CDK15: variants seen among roughly 807,000 people sequenced by gnomAD.
CDK15 encodes the protein cyclin-dependent kinase 15.
A neutral mutation model predicts 60.3 loss-of-function variants in CDK15; 62 were observed. The ratio of observed to expected loss-of-function variants is 1.03; its 90% CI spans 0.84 to 1.27. CDK15 has a LOEUF of 1.27. Among genes scored for constraint, CDK15 ranks in the 50% most tolerant of loss-of-function variants. The probability of loss-of-function intolerance (pLI) is 0.00; values close to 1 mark genes in which losing one functional copy is unlikely to be tolerated. For missense variants in CDK15, 541 were observed against 527.8 expected (o/e 1.03, Z -0.25); for synonymous variants, 194 against 195.7 (o/e 0.99, Z 0.07).
At chr2:201,883,517 G>A (rs1699352738) in intron 12 of CDK15, among the ~76,000 whole-genome samples, 1 of 152,234 alleles carries the variant, frequency 6.6e-6, no homozygotes, top group Non-Finnish European at 1.5e-5. Flanking sequence ...TGAAAACCAG[G>A]AATTCCAGGA....
intron 12 of CDK15, among the ~76,000 whole-genome samples, chr2:201,890,478 C>T (rs140638882): frequency 7.9e-5 from 12 of 152,334 alleles, no homozygotes; most frequent in Non-Finnish European, 1.8e-4. Flanking sequence ...TTGTGCCTCA[C>T]TTTTGGTCCT....
At chr2:201,815,077 G>C (rs1695932612) in intron 4 of CDK15, among the ~76,000 whole-genome samples, 1 of 151,830 alleles carries the variant, frequency 6.6e-6, no homozygotes, top group Non-Finnish European at 1.5e-5. Context: ...TCAGCCTCCG[G>C]AGTAGCTGGG....
rs117150209 is a variant in CDK15 at position 201,881,652 on chromosome 2, G to A, written c.1198+1485G>A. Among the ~76,000 whole-genome samples the A allele has an allele frequency of 2.2e-4, 34 of 152,254 alleles. No homozygotes were observed. In the East Asian group the frequency reaches 6.6e-3, roughly 29 times the overall value. The stretch of plus-strand genomic sequence containing the variant: ...ATTAGACTGGAGGTGAATCTAAAGT[G>A]GAATTTGGAAGGAGGAGAGAGGCAT... On this transcript the variant is annotated intron_variant, in intron 12 of 13. Coordinates refer to ENST00000652192, the MANE Select transcript of CDK15 (RefSeq NM_001366386.2).
At position 201,847,411 on chromosome 2, in the gene CDK15, C is replaced by A; in HGVS notation, c.882C>A (p.Phe294Leu). 2 of 1,613,992 alleles carry A rather than the reference C, an allele frequency of 1.2e-6. No homozygotes were observed. The highest frequency in any genetic ancestry group is 2.2e-5 in the South Asian group (2 of 91,056). The change falls in exon 9 of 14, where the codon TTC (phenylalanine) becomes TTA (leucine). Residue 294 changes from phenylalanine (F) to leucine (L), a missense_variant. Physicochemically the swap from Phe to Leu is conservative, Grantham distance 22 (BLOSUM62 0). Coordinates refer to ENST00000652192, the MANE Select transcript of CDK15 (RefSeq NM_001366386.2). ...CAGGCTGCATCTTTATTGAAATGTT[C>A]CAGGGTCAACCTTTGTTTCCTGGGG... ...WGAGCIFIEM[F>L]QGQPLFPGVS...
At chr2:201,879,898 C>A in intron 11 of CDK15, 130 bp from the exon 12 acceptor site, 2 of 1,243,188 alleles carry the variant, frequency 1.6e-6, no homozygotes, top group African/African-American at 1.5e-5. Context: ...TCAACTTTAG[C>A]AATTCCAGGA....
chr2:201,861,214 A>C, intron 10 of CDK15: 2 of 1,016,328 alleles, frequency 2.0e-6, no homozygotes, highest in Non-Finnish European at 2.4e-6. Flanking sequence ...GAGAAATCCT[A>C]TCATTGTAAA....
At chr2:201,857,747 A>G (rs906986001) in intron 10 of CDK15, among the ~76,000 whole-genome samples, 1 of 152,146 alleles carries the variant, frequency 6.6e-6, no homozygotes, top group African/African-American at 2.4e-5. Context: ...TGATAACTCA[A>G]TCCCAAGGAC....
intron 8 of CDK15, among the ~76,000 whole-genome samples, chr2:201,836,094 A>ATATATATTTATATATT (rs1179645943): frequency 8.3e-6 from 1 of 121,052 alleles, no homozygotes; most frequent in African/African-American, 3.3e-5. Context: ...TTATATATTT[A>ATATATATTTATATATT]TATATATTTA....
chr2:201,822,749 T>C, intron 4 of CDK15, 60 bp from the exon 5 acceptor site: 1 of 921,934 alleles, frequency 1.1e-6, no homozygotes, highest in South Asian at 1.5e-5. Flanking sequence ...CCGTCTGATA[T>C]CTTTAGAGCA....
chr2:201,881,451 T>A (rs1404108197), intron 12 of CDK15, among the ~76,000 whole-genome samples: 1 of 152,100 alleles, frequency 6.6e-6, no homozygotes, highest in Non-Finnish European at 1.5e-5. Context: ...CTCCAGGTTC[T>A]TATGAAGTGG....
chr2:201,886,482 C>T (rs1424589382), intron 12 of CDK15, among the ~76,000 whole-genome samples: 12 of 152,082 alleles, frequency 7.9e-5, no homozygotes, highest in Non-Finnish European at 1.2e-4. Context: ...TGTGCCACCA[C>T]GCCTGGCTAA....
At position 201,880,090 on chromosome 2, in the gene CDK15, A is replaced by G. The variant is rs779004408; in HGVS notation, c.1121A>G (p.Asp374Gly). 13 of 1,613,914 alleles carry G rather than the reference A, an allele frequency of 8.1e-6. No homozygotes were observed. The highest frequency in any genetic ancestry group is 1.3e-5 in the African/African-American group (1 of 74,872). The change falls in exon 12 of 14, where the codon GAC (aspartate) becomes GGC (glycine). Residue 374 changes from aspartate to glycine, a missense_variant. Asp to Gly is a moderately conservative substitution (Grantham distance 94). Transcript: ENST00000652192. ...ASQMLKGFPRDRVSAQEALVH... is the reference protein window; with the variant it reads ...ASQMLKGFPRGRVSAQEALVH... Reference sequence around the variant, plus strand: ...CAGATGCTAAAAGGCTTTCCCAGAGACCGCGTCTCCGCCCAGGAAGCACTT... The same window carrying G: ...CAGATGCTAAAAGGCTTTCCCAGAGGCCGCGTCTCCGCCCAGGAAGCACTT...
At chr2:201,861,083 A>G (rs1698373964) in intron 10 of CDK15, 1 of 1,072,556 alleles carries the variant, frequency 9.3e-7, no homozygotes, top group Non-Finnish European at 1.1e-6. Flanking sequence ...AGATATTGAT[A>G]AAAGAGGCTT....
At chr2:201,844,789 C>T (rs1192458399) in intron 8 of CDK15, among the ~76,000 whole-genome samples, 1 of 151,620 alleles carries the variant, frequency 6.6e-6, no homozygotes, top group Non-Finnish European at 1.5e-5. Context: ...GATCCCATCT[C>T]TATTAAAAAA....
intron 10 of CDK15, among the ~76,000 whole-genome samples, chr2:201,866,091 A>G (rs1698624301): frequency 6.6e-6 from 1 of 151,256 alleles, no homozygotes; most frequent in Admixed American, 6.6e-5. Context: ...AGAGTTACAG[A>G]TTTTGGCAGT....
At chr2:201,837,391 GAGAGGGGGGAGAGGTGGGGA>G (rs1697152084) in intron 8 of CDK15, among the ~76,000 whole-genome samples, 6 of 115,788 alleles carry the variant, frequency 5.2e-5, no homozygotes, top group Non-Finnish European at 7.3e-5. Flanking sequence ...GGGAGAAGGG[GAGAGGGGGGAGAGGTGGGGA>G]GGGAGGGAGG....
chr2:201,846,990 A>AT (rs1230058582), intron 8 of CDK15, among the ~76,000 whole-genome samples: 2 of 152,142 alleles, frequency 1.3e-5, no homozygotes, highest in Non-Finnish European at 2.9e-5. Context: ...TTTAACTTGC[A>AT]TTTTTTTGTC....
rs1698082041 is a variant in CDK15 at position 201,854,930 on chromosome 2, C to T, written c.1002C>T (p.Tyr334=). 6.2e-7 allele frequency: 1 copy of T among 1,613,718 alleles called. No individual in the cohort carries two copies. The highest frequency in any genetic ancestry group is 2.2e-5 in the East Asian group (1 of 44,896). The change falls in exon 10 of 14, where the codon TAC becomes TAT. Residue 334 remains tyrosine (Y), a synonymous_variant. Transcript: ENST00000652192. ...CGGGAGTCTCCAAGCTACCTAACTA[C>T]AATCCAGGTAATATTGATCTGAGCT... is the stretch of plus-strand genomic sequence containing the variant. ...TWPGVSKLPN[Y]NPEWFPLPTP... is the part of the protein sequence containing the mutation.
intron 11 of CDK15, among the ~76,000 whole-genome samples, chr2:201,877,766 T>G (rs1279021772): frequency 6.6e-6 from 1 of 152,238 alleles, no homozygotes; most frequent in African/African-American, 2.4e-5. Flanking sequence ...CCTGGAAATT[T>G]GCAAGGATTT....
Sources: allele counts gnomAD v4.1 joint callset (sites outside exome capture counted in the v4.1 genomes callset), GRCh38; gene constraint gnomAD v4.1.1; transcripts MANE v1.5; gene names NCBI Gene and HGNC (gene_info 2026-07-23, HGNC 2026-07-21).